GPR158: variants seen among roughly 807,000 people sequenced by gnomAD.
The protein encoded by GPR158 is G protein-coupled receptor 158, also known as metabotropic glycine receptor.
A neutral mutation model predicts 78.2 loss-of-function variants in GPR158; 30 were observed. The ratio of observed to expected loss-of-function variants is 0.38; its 90% CI spans 0.29 to 0.52. The LOEUF (loss-of-function observed/expected upper bound fraction) is 0.52, where lower values mean the gene tolerates loss of function less well. Among genes scored for constraint, GPR158 ranks in the 20% least tolerant of loss-of-function variants. The pLI, the probability that GPR158 is intolerant of heterozygous loss-of-function variation, is 0.83. For missense variants in GPR158, 1,463 were observed against 1,523.5 expected, an observed-to-expected ratio of 0.96 and a Z score of 0.66; for synonymous variants, 581 against 591.1, an observed-to-expected ratio of 0.98 and a Z score of 0.25.
intron 2 of GPR158, among the ~76,000 whole-genome samples, chr10:25,350,274 T>A (rs1363405642): frequency 6.6e-6 from 1 of 152,022 alleles, no homozygotes; most frequent in Non-Finnish European, 1.5e-5. Context: ...TAAATAAAAT[T>A]CAATATTTTT....
chr10:25,304,506 T>C (rs898856146), intron 2 of GPR158, among the ~76,000 whole-genome samples: 1 of 152,132 alleles, frequency 6.6e-6, no homozygotes, highest in Admixed American at 6.5e-5. Context: ...GCCTGTTTTC[T>C]TATTTGTAAA....
intron 6 of GPR158, among the ~76,000 whole-genome samples, chr10:25,558,701 T>G (rs1474844097): frequency 6.6e-6 from 1 of 152,270 alleles, no homozygotes; most frequent in African/African-American, 2.4e-5. Flanking sequence ...GTTGTGTTTT[T>G]ATTTCCATTC....
At chr10:25,540,479 A>T (rs1836564045) in intron 5 of GPR158, among the ~76,000 whole-genome samples, 1 of 152,212 alleles carries the variant, frequency 6.6e-6, no homozygotes, top group Non-Finnish European at 1.5e-5. Flanking sequence ...GCTGCTGTAA[A>T]GACACATGCA....
At chr10:25,540,695 A>G (rs1386625791) in intron 5 of GPR158, among the ~76,000 whole-genome samples, 2 of 151,822 alleles carry the variant, frequency 1.3e-5, no homozygotes, top group East Asian at 1.9e-4. Flanking sequence ...CACAAGGACA[A>G]AAAACCAAAC....
chr10:25,477,188 G>C (rs7085111), intron 5 of GPR158, among the ~76,000 whole-genome samples: 36,651 of 151,906 alleles, frequency 0.24, 6,088 homozygotes, highest in African/African-American at 0.47. Flanking sequence ...AGAAAAACAA[G>C]AGAATTTGAT....
chr10:25,176,141 C>G lies in GPR158; in HGVS notation c.721C>G (p.Gln241Glu), dbSNP rs993005863. ...RPHLHRRGPN[Q>E]GPRGLGHSWR... ...CCACTTACACCGCCGCGGCCCCAAT[C>G]AGGGGCCCCGGGGCCTGGGCCACAG... Residue 241 changes from glutamine to glutamate, a missense_variant, in exon 1 of 11, where the codon CAG becomes GAG. Coordinates refer to ENST00000376351, the MANE Select transcript of GPR158 (RefSeq NM_020752.3). The surrounding 1 kb of genome is among the most constrained non-coding windows in gnomAD (Gnocchi z 6.3). 6.4e-7 allele frequency: 1 copy of G among 1,572,288 alleles called. No homozygotes were observed. The highest frequency in any genetic ancestry group is 1.3e-5 in the African/African-American group (1 of 74,430).
At chr10:25,393,612 G>C (rs1388691030) in intron 2 of GPR158, 1 of 152,164 alleles carries the variant, frequency 6.6e-6, no homozygotes, top group East Asian at 1.9e-4. Context: ...TTTCCTGATA[G>C]TATGTTTAGA....
chr10:25,507,801 A>G (rs1317656003), intron 5 of GPR158, among the ~76,000 whole-genome samples: 2 of 152,242 alleles, frequency 1.3e-5, no homozygotes, highest in Admixed American at 6.5e-5. Flanking sequence ...ACACAAAAGA[A>G]GTCAAAGATT....
chr10:25,368,310 C>A (rs1833928951), intron 2 of GPR158, among the ~76,000 whole-genome samples: 1 of 151,644 alleles, frequency 6.6e-6, no homozygotes, highest in South Asian at 2.1e-4. Flanking sequence ...AACAGACAAC[C>A]TACAGAATGG....
chr10:25,481,426 T>C (rs563354552), intron 5 of GPR158, among the ~76,000 whole-genome samples: 1 of 152,286 alleles, frequency 6.6e-6, no homozygotes, highest in Admixed American at 6.5e-5. Context: ...ACCAGATATC[T>C]GGATTGACCA....
intron 2 of GPR158, among the ~76,000 whole-genome samples, chr10:25,302,533 C>G (rs1228582795): frequency 6.6e-6 from 1 of 152,012 alleles, no homozygotes; most frequent in Non-Finnish European, 1.5e-5. Flanking sequence ...TAGGTAGGGT[C>G]TAGAATACAT....
rs1837457467 is a variant in GPR158, at chr10:25,599,137, G to A, written c.3511G>A (p.Val1171Ile). Residue 1171 changes from valine (V) to isoleucine (I), a missense_variant, in exon 11 of 11, where the codon GTT becomes ATT. Physicochemically the swap from Val to Ile is conservative, Grantham distance 29. Coordinates refer to ENST00000376351, the MANE Select transcript of GPR158 (RefSeq NM_020752.3). ...FQQPLTSRAE[V>I]CPWEFETPAQ... ...GCAACCTTTAACATCACGAGCAGAG[G>A]TTTGTCCTTGGGAGTTTGAGACCCC... The A allele has an allele frequency of 6.2e-7, 1 of 1,611,250 alleles. No individual in the cohort carries two copies. Among genetic ancestry groups the A allele is most frequent in the Non-Finnish European group, 8.5e-7 (1 of 1,179,988 alleles).
At chr10:25,249,223 G>T (rs1226797635) in intron 2 of GPR158, among the ~76,000 whole-genome samples, 2 of 151,992 alleles carry the variant, frequency 1.3e-5, no homozygotes, top group Non-Finnish European at 2.9e-5. Flanking sequence ...TGAGACAATG[G>T]GGTTTTCTAG....
At chr10:25,497,466 G>A (rs536255019) in intron 5 of GPR158, among the ~76,000 whole-genome samples, 5 of 152,236 alleles carry the variant, frequency 3.3e-5, no homozygotes, top group East Asian at 1.9e-4. Context: ...TTGACAATAG[G>A]GAAGCATTAA....
At chr10:25,224,619 T>C (rs1316030496) in intron 2 of GPR158, among the ~76,000 whole-genome samples, 1 of 152,118 alleles carries the variant, frequency 6.6e-6, no homozygotes, top group East Asian at 1.9e-4. Context: ...TACTTAGTAA[T>C]GCAGTGATTC....
chr10:25,558,866 A>G (rs1588911852), intron 6 of GPR158, among the ~76,000 whole-genome samples: 2 of 152,190 alleles, frequency 1.3e-5, no homozygotes, highest in Non-Finnish European at 2.9e-5. Context: ...ACCTTGTGTG[A>G]CTTCAATCCG....
intron 2 of GPR158, among the ~76,000 whole-genome samples, chr10:25,247,232 T>A (rs1197283910): frequency 6.6e-6 from 1 of 152,204 alleles, no homozygotes; most frequent in Non-Finnish European, 1.5e-5. Context: ...TCAAATACCT[T>A]CAAACCCTGA....
chr10:25,474,568 T>A (rs1377996022), intron 5 of GPR158, among the ~76,000 whole-genome samples: 1 of 152,166 alleles, frequency 6.6e-6, no homozygotes, highest in Non-Finnish European at 1.5e-5. Context: ...TGCTCTTTCT[T>A]GACAACACTT....
chr10:25,288,923 T>G (rs1031756790), intron 2 of GPR158, among the ~76,000 whole-genome samples: 5 of 152,220 alleles, frequency 3.3e-5, no homozygotes, highest in African/African-American at 7.2e-5. Context: ...CTGTGGAAAT[T>G]TATATACCCC....
Sources: allele counts gnomAD v4.1 joint callset (sites outside exome capture counted in the v4.1 genomes callset), GRCh38; gene constraint gnomAD v4.1.1; non-coding constraint Gnocchi (gnomAD v3.1); transcripts MANE v1.5; gene names NCBI Gene and HGNC (gene_info 2026-07-23, HGNC 2026-07-21).